Variants in NLGN1 observed in about 807,000 individuals in gnomAD.
NLGN1 encodes the protein neuroligin-1.
Under a neutral mutation model 65.5 loss-of-function variants are expected in NLGN1, and 12 were observed. That is an observed-to-expected ratio of 0.18 (90% CI 0.12 to 0.30). The LOEUF is 0.30. Among genes scored for constraint, NLGN1 ranks in the 10% least tolerant of loss-of-function variants. NLGN1 has a pLI of 1.00. For synonymous variants in NLGN1, 350 were observed against 359.5 expected (o/e 0.97, Z 0.30); for missense variants, 750 against 1,007.1 (o/e 0.74, Z 3.46).
intron 4 of NLGN1, among the ~76,000 whole-genome samples, chr3:174,119,011 G>A (rs1717173258): frequency 6.6e-6 from 1 of 151,658 alleles, no homozygotes; most frequent in African/African-American, 2.4e-5. Context: ...TAAGGCAGAG[G>A]ACATAGAAAA....
chr3:173,894,856 C>T (rs935842069), intron 4 of NLGN1, among the ~76,000 whole-genome samples: 4 of 150,602 alleles, frequency 2.7e-5, no homozygotes, highest in South Asian at 2.1e-4. Flanking sequence ...AGGCTGGTGT[C>T]GAACTCCTGA....
In NLGN1 at chr3:174,000,079, G is replaced by A. The variant is rs114712592; in HGVS notation, c.646+192247G>A. ...CATTTTATTATTTTGAAACAGGCAA[G>A]TACATATTATTGTACCAATCTTTGA... On this transcript the variant is annotated intron_variant, in intron 4 of 6. Coordinates refer to ENST00000457714, the Ensembl canonical transcript of NLGN1. Among the ~76,000 whole-genome samples the A allele has an allele frequency of 5.2e-3, 786 of 152,094 alleles. 4 individuals carry two copies. The highest frequency in any genetic ancestry group is 0.018 in the African/African-American group (742 of 41,488).
chr3:173,447,570 A>G (rs1389281294), intron 2 of NLGN1, among the ~76,000 whole-genome samples: 1 of 152,030 alleles, frequency 6.6e-6, no homozygotes, highest in East Asian at 1.9e-4. Context: ...TCCCATATGA[A>G]CTTTAGTTTT....
intron 4 of NLGN1, among the ~76,000 whole-genome samples, chr3:173,914,127 C>T (rs1380031102): frequency 6.6e-6 from 1 of 152,118 alleles, no homozygotes; most frequent in African/African-American, 2.4e-5. Flanking sequence ...TTCTGCCTCC[C>T]TAGGTACTCC....
intron 2 of NLGN1, among the ~76,000 whole-genome samples, chr3:173,449,238 G>A (rs1035118392): frequency 5.3e-5 from 8 of 152,048 alleles, no homozygotes; most frequent in East Asian, 1.9e-4. Context: ...CTTTGAATGC[G>A]TCCCAGAGAT....
intron 4 of NLGN1, among the ~76,000 whole-genome samples, chr3:174,067,168 AGGTTTGGCAAATCC>A (rs1211137280): frequency 5.9e-5 from 9 of 152,180 alleles, no homozygotes; most frequent in African/African-American, 1.9e-4. Flanking sequence ...GAAAATTGTC[AGGTTTGGCAAATCC>A]TGATCATTTT....
chr3:173,719,367 G>A (rs1258240161), intron 3 of NLGN1, among the ~76,000 whole-genome samples: 1 of 152,050 alleles, frequency 6.6e-6, no homozygotes, highest in African/African-American at 2.4e-5. Flanking sequence ...CCTGCCCTAA[G>A]CTCTAGACCT....
intron 4 of NLGN1, among the ~76,000 whole-genome samples, chr3:174,154,348 C>T (rs777659407): frequency 1.3e-5 from 2 of 151,842 alleles, no homozygotes; most frequent in South Asian, 2.1e-4. Flanking sequence ...ATTGCATTTC[C>T]GTGGAAGAGA....
chr3:173,578,537 C>A (rs1745902250), intron 2 of NLGN1, among the ~76,000 whole-genome samples: 1 of 152,112 alleles, frequency 6.6e-6, no homozygotes, highest in South Asian at 2.1e-4. Context: ...TGTGGTTTCC[C>A]ATCCTATTAG....
chr3:173,901,376 T>G (rs200871244), intron 4 of NLGN1, among the ~76,000 whole-genome samples: 10,912 of 138,084 alleles, frequency 0.079, 920 homozygotes, highest in East Asian at 0.27. Flanking sequence ...GGGGGGTGTG[T>G]GTGTGTGTGT....
At chr3:174,150,803 G>T (rs1021515491) in intron 4 of NLGN1, among the ~76,000 whole-genome samples, 2 of 152,106 alleles carry the variant, frequency 1.3e-5, no homozygotes, top group African/African-American at 4.8e-5. Context: ...GGAGAATACA[G>T]TGGCATAGGA....
chr3:174,063,093 A>G (rs1737759830), intron 4 of NLGN1, among the ~76,000 whole-genome samples: 1 of 152,178 alleles, frequency 6.6e-6, no homozygotes, highest in Admixed American at 6.6e-5. Context: ...GCAATCTAAC[A>G]TGATAATGTT....
At chr3:173,957,658 C>T (rs547288787) in intron 4 of NLGN1, among the ~76,000 whole-genome samples, 1 of 152,290 alleles carries the variant, frequency 6.6e-6, no homozygotes, top group Admixed American at 6.5e-5. Flanking sequence ...GTGCTCCTTA[C>T]GGGTTGGACT....
intron 4 of NLGN1, among the ~76,000 whole-genome samples, chr3:174,019,867 C>G (rs1727382852): frequency 6.6e-6 from 1 of 152,130 alleles, no homozygotes; most frequent in African/African-American, 2.4e-5. Flanking sequence ...ATGACAGAAA[C>G]CATTTAAACA....
the NLGN1 span, among the ~76,000 whole-genome samples, chr3:174,291,733 C>T: frequency 6.6e-6 from 1 of 151,040 alleles, no homozygotes; most frequent in Non-Finnish European, 1.5e-5. Context: ...ACCATGAACG[C>T]CTCCTGAGAA....
intron 2 of NLGN1, among the ~76,000 whole-genome samples, chr3:173,572,655 T>C (rs529643387): frequency 2.6e-5 from 4 of 152,356 alleles, no homozygotes; most frequent in Admixed American, 2.0e-4. Flanking sequence ...GTCATAGTTA[T>C]GATTTCGAGC....
chr3:173,560,378 A>G (rs1742510787), intron 2 of NLGN1, among the ~76,000 whole-genome samples: 1 of 152,154 alleles, frequency 6.6e-6, no homozygotes, highest in Non-Finnish European at 1.5e-5. Flanking sequence ...GAAGGAAGAA[A>G]GAGAAGGAAA....
chr3:173,481,936 T>TTAA (rs202000963), intron 2 of NLGN1, among the ~76,000 whole-genome samples: 1,626 of 152,088 alleles, frequency 0.011, 29 homozygotes, highest in African/African-American at 0.038. Context: ...TTCTTTGATA[T>TTAA]TAAAATGACA....
chr3:174,035,462 G>A (rs2152480889), intron 4 of NLGN1, among the ~76,000 whole-genome samples: 1 of 152,298 alleles, frequency 6.6e-6, no homozygotes, highest in East Asian at 1.9e-4. Context: ...GTGGTCTGTG[G>A]CTATCTTGTC....
Sources: gnomAD v4.1 joint callset for allele counts (sites outside exome capture counted in the v4.1 genomes callset) on GRCh38, gnomAD v4.1.1 for gene constraint, MANE v1.5 for transcripts, NCBI Gene and HGNC (gene_info 2026-07-23, HGNC 2026-07-21) for gene names.